The following PPP6R2 variants were observed in gnomAD, a reference collection of about 807,000 sequenced individuals.
PPP6R2 encodes serine/threonine-protein phosphatase 6 regulatory subunit 2.
Under a neutral mutation model 100.2 loss-of-function variants are expected in PPP6R2, and 62 were observed. The ratio of observed to expected loss-of-function variants is 0.62; its 90% confidence interval spans 0.50 to 0.76. The LOEUF (loss-of-function observed/expected upper bound fraction) is 0.76, where lower values mean the gene tolerates loss of function less well. Ranked by LOEUF, PPP6R2 falls within the 30% of genes least tolerant of loss-of-function variation. PPP6R2 has a pLI of 0.00. For synonymous variants in PPP6R2, 525 were observed against 514.7 expected (o/e 1.02, Z -0.27); for missense variants, 1,142 against 1,276.3 (o/e 0.89, Z 1.60).
intron 22 of PPP6R2, among the ~76,000 whole-genome samples, chr22:50,441,787 C>G (rs1015517800): frequency 6.6e-6 from 1 of 152,136 alleles, no homozygotes; most frequent in Non-Finnish European, 1.5e-5. Flanking sequence ...AGGAAGGTCC[C>G]TGGGATCCTT....
Position 50,439,917 on chromosome 22 carries a change from C to T in PPP6R2, c.2286-44C>T, listed in dbSNP as rs750492819. On this transcript the variant is annotated intron_variant, in intron 20 of 23. Coordinates refer to ENST00000612753, the MANE Select transcript of PPP6R2 (RefSeq NM_001242898.2). Reference sequence around the variant, plus strand: ...GGAAGTGCCTGTCAGGGCCAGGAGGCACCTGTCCCCCAGGACTGATCCTGT... The same window carrying T: ...GGAAGTGCCTGTCAGGGCCAGGAGGTACCTGTCCCCCAGGACTGATCCTGT... 2.5e-6 allele frequency: 4 copies of T among 1,607,578 alleles called. No individual in the cohort carries two copies. The South Asian group carries it at 4.4e-5, about 18-fold the overall frequency.
rs190618151 is a variant in PPP6R2, at chr22:50,355,268, C to T, written c.-148+11718C>T. Among the ~76,000 whole-genome samples, 485 of 146,900 alleles carry T rather than the reference C, an allele frequency of 3.3e-3. 3 individuals are homozygous for T. Among genetic ancestry groups the T allele is most frequent in the Non-Finnish European group, 5.5e-3 (373 of 67,372 alleles). On this transcript the variant is annotated intron_variant, in intron 1 of 23. Coordinates refer to ENST00000612753, the MANE Select transcript of PPP6R2 (RefSeq NM_001242898.2). ...TTTTTTCTTTTTTGAGACAGAGTCT[C>T]GCTCTGTAGCCTAGGCTGGAGTGCA...
chr22:50,350,626 A>C (rs949309980), intron 1 of PPP6R2, among the ~76,000 whole-genome samples: 2 of 151,726 alleles, frequency 1.3e-5, no homozygotes, highest in Non-Finnish European at 2.9e-5. Context: ...CAGGCAGATC[A>C]CGAGGTCAGG....
In PPP6R2 at chr22:50,441,022, G is replaced by A. The variant is rs367629519; in HGVS notation, c.2575G>A (p.Gly859Ser). ...PTVARTEEAV[G>S]RVGCADSRLL... ...AGTGGCCAGGACAGAGGAGGCTGTC[G>A]GCAGGTGTGTGGGGCGTGGCGGGGG... is the stretch of plus-strand genomic sequence containing the variant. Residue 859 changes from glycine to serine, a missense_variant, in exon 22 of 24, where the codon GGC (glycine) becomes AGC (serine). Around this residue, in one of 2 missense-constraint regions of PPP6R2, gnomAD observed 550 missense variants for 517.4 expected, o/e 1.06. Transcript: ENST00000612753. The A allele has an allele frequency of 1.4e-5, 22 of 1,582,450 alleles. No individual in the cohort carries two copies. In the African/African-American group the frequency reaches 1.8e-4, roughly 13 times the overall value.
intron 1 of PPP6R2, among the ~76,000 whole-genome samples, chr22:50,363,612 G>A (rs1017628719): frequency 6.6e-6 from 1 of 152,196 alleles, no homozygotes; most frequent in Non-Finnish European, 1.5e-5. Flanking sequence ...CTGCAGAATG[G>A]AGAAGCCAGC....
chr22:50,396,594 C>A (rs1468266750), intron 3 of PPP6R2, among the ~76,000 whole-genome samples: 1 of 152,112 alleles, frequency 6.6e-6, no homozygotes, highest in Non-Finnish European at 1.5e-5. Flanking sequence ...TTGTTAGACA[C>A]AGCCACACTC....
At chr22:50,410,898 T>G (rs922601952) in intron 4 of PPP6R2, among the ~76,000 whole-genome samples, 1 of 152,074 alleles carries the variant, frequency 6.6e-6, no homozygotes, top group Non-Finnish European at 1.5e-5. Context: ...TTCAAGTGAT[T>G]CTCCTGCCTC....
intron 1 of PPP6R2, among the ~76,000 whole-genome samples, chr22:50,361,122 G>A (rs2047704675): frequency 6.6e-6 from 1 of 152,156 alleles, no homozygotes; most frequent in Non-Finnish European, 1.5e-5. Context: ...TCAGCTCTTT[G>A]CTGTGATGCC....
chr22:50,339,752 G>A (rs2042348600), upstream of PPP6R2, among the ~76,000 whole-genome samples: 1 of 83,576 alleles, frequency 1.2e-5, no homozygotes, highest in Non-Finnish European at 2.0e-5. Flanking sequence ...ATAGTATGTG[G>A]TGGTGTGTGG....
Position 50,384,939 on chromosome 22 carries a change from G to C in PPP6R2, c.-16-8954G>C, listed in dbSNP as rs184221153. On this transcript the variant is annotated intron_variant, in intron 2 of 23. Transcript: ENST00000612753. ...TTTGTTTTGTTTTCCATAGAGACAG[G>C]GTCTTGCCATGTCTAGCAGGCTGGT... Among the ~76,000 whole-genome samples, 188 of 152,104 alleles carry C rather than the reference G, an allele frequency of 1.2e-3. 2 individuals carry two copies. In the South Asian group the frequency reaches 0.014, roughly 11 times the overall value.
chr22:50,333,914 C>T, the PPP6R2 span, among the ~76,000 whole-genome samples: 3 of 152,192 alleles, frequency 2.0e-5, no homozygotes, highest in African/African-American at 4.8e-5. Flanking sequence ...GGTAAGGTCA[C>T]GCGAGTCACG....
chr22:50,391,941 A>G (rs1168424397), intron 2 of PPP6R2: 1 of 108,452 alleles, frequency 9.2e-6, no homozygotes, highest in African/African-American at 3.4e-5. Context: ...GCAAGTTCTG[A>G]TTTTGGCAAA....
upstream of PPP6R2, among the ~76,000 whole-genome samples, chr22:50,342,995 G>A (rs534915183): frequency 6.6e-6 from 1 of 152,314 alleles, no homozygotes; most frequent in South Asian, 2.1e-4. Context: ...CCTGCCCCAG[G>A]TGTGTGTCTC....
At chr22:50,395,026 T>TG (rs2148906719) in intron 3 of PPP6R2, among the ~76,000 whole-genome samples, 2 of 151,986 alleles carry the variant, frequency 1.3e-5, no homozygotes, top group African/African-American at 4.8e-5. Flanking sequence ...GGCAATATGT[T>TG]GGGAAAAAAA....
chr22:50,352,540 C>T (rs933787161), intron 1 of PPP6R2, among the ~76,000 whole-genome samples: 6 of 151,630 alleles, frequency 4.0e-5, no homozygotes, highest in African/African-American at 1.5e-4. Context: ...TCCTGGCCAA[C>T]ATGGTGAAAC....
Position 50,435,016 on chromosome 22 carries a change from C to T in PPP6R2, c.1451C>T (p.Ala484Val), listed in dbSNP as rs772031037. 1.9e-6 allele frequency: 3 copies of T among 1,604,426 alleles called. No homozygotes were observed. Among genetic ancestry groups the T allele is most frequent in the African/African-American group, 1.3e-5 (1 of 74,786 alleles). The change falls in exon 13 of 24, where the codon GCC becomes GTC. Residue 484 changes from alanine (A) to valine (V), a missense_variant. Ala to Val is a moderately conservative substitution (Grantham distance 64). This residue lies in a region of PPP6R2 where 592 missense variants were observed against 758.9 expected (regional missense o/e 0.78). Coordinates refer to ENST00000612753, the MANE Select transcript of PPP6R2 (RefSeq NM_001242898.2). ...RGNMGHLTRI[A>V]NAVVQNLERG... Reference sequence around the variant, plus strand: ...AACATGGGCCACCTCACACGGATCGCCAACGCGGTGGTGCAGAACCTGGAG... The same window carrying T: ...AACATGGGCCACCTCACACGGATCGTCAACGCGGTGGTGCAGAACCTGGAG...
At chr22:50,341,377 A>C (rs936540594), upstream of PPP6R2, among the ~76,000 whole-genome samples, 3 of 151,230 alleles carry the variant, frequency 2.0e-5, no homozygotes, top group African/African-American at 7.3e-5. Context: ...CTAGTTTTTT[A>C]ATTTTTTGTA....
At chr22:50,338,078 GTGA>G in the PPP6R2 span, among the ~76,000 whole-genome samples, 2 of 146,456 alleles carry the variant, frequency 1.4e-5, no homozygotes, top group African/African-American at 2.6e-5. Context: ...TGTGGTGTGT[GTGA>G]TGTGTAGTGT....
At chr22:50,429,575 T>C (rs1164953216) in intron 10 of PPP6R2, among the ~76,000 whole-genome samples, 1 of 152,202 alleles carries the variant, frequency 6.6e-6, no homozygotes, top group African/African-American at 2.4e-5. Flanking sequence ...TCTTGTAGTG[T>C]CCTCATTCAG....
Sources: gnomAD v4.1 joint callset for allele counts (sites outside exome capture counted in the v4.1 genomes callset) on GRCh38, gnomAD v4.1.1 for gene constraint, gnomAD v4.1.1 regional missense constraint, MANE v1.5 for transcripts, NCBI Gene and HGNC (gene_info 2026-07-23, HGNC 2026-07-21) for gene names.